The following XK variants were observed in gnomAD, a reference collection of about 807,000 sequenced individuals.
The protein encoded by XK is X-linked Kx blood group antigen, Kell and VPS13A binding protein, also known as endoplasmic reticulum membrane adapter protein XK.
A neutral mutation model predicts 14.0 loss-of-function variants in XK; 2 were observed. The observed-to-expected ratio is 0.14, with a 90% CI of 0.06 to 0.45. The LOEUF (loss-of-function observed/expected upper bound fraction) is 0.45, where lower values mean the gene tolerates loss of function less well. XK is among the 20% of genes least tolerant of loss of function. The pLI is 0.98. For synonymous variants in XK, 149 were observed against 147.5 expected (o/e 1.01, Z -0.08); for missense variants, 235 against 341.5 (o/e 0.69, Z 2.46).
At chrX:37,714,598 G>A (rs781952039) in intron 2 of XK, among the ~76,000 whole-genome samples, 1 of 111,158 alleles carries the variant, frequency 9.0e-6, no homozygotes, top group East Asian at 2.8e-4. Flanking sequence ...CCTTCCAGAA[G>A]CCACTTAAAA....
At chrX:37,714,814 G>C (rs1927733155) in intron 2 of XK, among the ~76,000 whole-genome samples, 1 of 111,041 alleles carries the variant, frequency 9.0e-6, no homozygotes, top group South Asian at 3.8e-4. Context: ...AGGGAGACTT[G>C]AGGGAATAGC....
intron 2 of XK, among the ~76,000 whole-genome samples, chrX:37,719,087 A>G (rs1426476729): frequency 1.8e-5 from 2 of 110,815 alleles, no homozygotes; most frequent in African/African-American, 6.5e-5. Flanking sequence ...CAGAAAATGT[A>G]TTTCTTTTCC....
At chrX:37,687,795 G>C (rs1655295192) in intron 1 of XK, among the ~76,000 whole-genome samples, 2 of 111,372 alleles carry the variant, frequency 1.8e-5, no homozygotes, top group Admixed American at 1.9e-4. Flanking sequence ...ATCCTAGAAA[G>C]GAAAATAAAC....
chrX:37,718,294 C>T (rs1927804680), intron 2 of XK, among the ~76,000 whole-genome samples: 1 of 111,493 alleles, frequency 9.0e-6, no homozygotes, highest in African/African-American at 3.3e-5. Flanking sequence ...ACTTCTCACA[C>T]TACAGATTAT....
chrX:37,727,922 G>C lies in XK; in HGVS notation c.795G>C (p.Glu265Asp), dbSNP rs782679554. ...GGTGCAGTGGTTCCCCATTCCCTGA[G>C]AACATAGAGAAGGCCCTCAGTAGAG... Reference protein sequence around the residue: ...LFWCSGSPFPENIEKALSRVG... With the variant: ...LFWCSGSPFPDNIEKALSRVG... Residue 265 changes from glutamate to aspartate, a missense_variant, in exon 3 of 3, where the codon GAG becomes GAC. Transcript: ENST00000378616. 8.3e-7 allele frequency: 1 copy of C among 1,211,139 alleles called. No individual in the cohort carries two copies. The highest frequency in any genetic ancestry group is 1.8e-5 in the South Asian group (1 of 56,929).
At chrX:37,698,074 G>A (rs982099729) in intron 2 of XK, among the ~76,000 whole-genome samples, 25 of 112,093 alleles carry the variant, frequency 2.2e-4, no homozygotes, top group Non-Finnish European at 2.8e-4. Context: ...GATGGGTTGG[G>A]TTGAAGCCTA....
intron 1 of XK, among the ~76,000 whole-genome samples, chrX:37,687,263 A>T (rs1243653092): frequency 9.4e-6 from 1 of 106,772 alleles, no homozygotes; most frequent in Non-Finnish European, 1.9e-5. Flanking sequence ...TAAATTTTAC[A>T]AAGTTATAAT....
intron 2 of XK, among the ~76,000 whole-genome samples, chrX:37,700,468 G>T (rs1927389941): frequency 1.8e-5 from 2 of 112,160 alleles, no homozygotes; most frequent in Admixed American, 1.9e-4. Context: ...TCTCATTTTG[G>T]GTTGGAGGTG....
chrX:37,726,951 G>T (rs1209149729), intron 2 of XK, among the ~76,000 whole-genome samples: 12 of 111,975 alleles, frequency 1.1e-4, no homozygotes, highest in Non-Finnish European at 1.5e-4. Context: ...ATCTACTGCT[G>T]GTATGTGCTG....
chrX:37,718,026 C>T (rs192433878), intron 2 of XK, among the ~76,000 whole-genome samples: 1 of 111,464 alleles, frequency 9.0e-6, no homozygotes, highest in African/African-American at 3.3e-5. Flanking sequence ...AAACATTTAT[C>T]GAGTGCCTAC....
At position 37,730,573 on chromosome X, in the gene XK, G is replaced by T. The variant is rs1928067178; in HGVS notation, c.*2111G>T. 1 of 112,304 alleles carries T rather than the reference G, an allele frequency of 8.9e-6. No homozygotes were observed. Among genetic ancestry groups the T allele is most frequent in the Non-Finnish European group, 1.9e-5 (1 of 53,233 alleles). The allele number at this position is 112,304 out of a possible 1,213,427, so 9.3% of individuals were successfully genotyped here. A position where few individuals can be genotyped will look rare whatever the true frequency, so the allele number is the denominator to read the frequency against. ...AGCTTTTTGTGAGAAAGAGATTCTTGCCTTGAGGCTCTGCAGTGGCAAATG... is the reference window on the plus strand; with the variant it reads ...AGCTTTTTGTGAGAAAGAGATTCTTTCCTTGAGGCTCTGCAGTGGCAAATG... On this transcript the variant is annotated 3_prime_UTR_variant, in exon 3 of 3. Transcript: ENST00000378616.
rs79724708 is a variant in XK, at chrX:37,694,765, T to C, written c.508+217T>C. Among the ~76,000 whole-genome samples, 197 of 112,224 alleles carry C rather than the reference T, an allele frequency of 1.8e-3. No homozygotes were observed. The East Asian group carries it at 0.024, about 14-fold the overall frequency. Reference sequence around the variant, plus strand: ...CTCAAAAGGGTTACCTAATCTGTGATCCACTGTGGATCAGCTAGGGTGGCT... The same window carrying C: ...CTCAAAAGGGTTACCTAATCTGTGACCCACTGTGGATCAGCTAGGGTGGCT... On this transcript the variant is annotated intron_variant, in intron 2 of 2. Transcript: ENST00000378616.
intron 1 of XK, among the ~76,000 whole-genome samples, chrX:37,686,817 G>A (rs1927086610): frequency 9.0e-6 from 1 of 111,253 alleles, no homozygotes; most frequent in African/African-American, 3.3e-5. Flanking sequence ...ACTTATAAAC[G>A]TAGCCATTAA....
intron 1 of XK, among the ~76,000 whole-genome samples, chrX:37,687,227 GCACA>G (rs1182156394): frequency 1.3e-5 from 1 of 76,286 alleles, no homozygotes; most frequent in Non-Finnish European, 2.4e-5. Context: ...ACACACACAC[GCACA>G]CACACACATT....
intron 2 of XK, among the ~76,000 whole-genome samples, chrX:37,702,431 A>T (rs1927434631): frequency 8.9e-6 from 1 of 112,557 alleles, no homozygotes; most frequent in South Asian, 3.7e-4. Context: ...CGCAGTCTAC[A>T]AAGTGGCATC....
chrX:37,718,914 A>G (rs189294244), intron 2 of XK, among the ~76,000 whole-genome samples: 162 of 111,471 alleles, frequency 1.5e-3, no homozygotes, highest in Admixed American at 3.7e-3. Flanking sequence ...CGCTCATTAC[A>G]AAACTGAGTT....
Position 37,685,951 on chromosome X carries a change from G to T in XK, c.-11G>T, listed in dbSNP as rs1927055024. 3.3e-6 allele frequency: 4 copies of T among 1,202,835 alleles called. No individual in the cohort carries two copies. In the South Asian group the frequency reaches 7.2e-5, roughly 22 times the overall value. ...GCGTCCGTCCCCGGTGAGCGCCGCT[G>T]ACGCGCGGAGATGAAATTCCCGGCC... On this transcript the variant is annotated 5_prime_UTR_variant, in exon 1 of 3. Coordinates refer to ENST00000378616, the MANE Select transcript of XK (RefSeq NM_021083.4).
intron 2 of XK, among the ~76,000 whole-genome samples, chrX:37,724,001 C>T (rs1927928135): frequency 1.8e-5 from 2 of 110,993 alleles, no homozygotes; most frequent in South Asian, 7.4e-4. Context: ...GGTGTTTCTA[C>T]CTTTTAAATT....
rs782233487 is a variant in XK, at chrX:37,730,371, AAT to A, written c.*1914_*1915del. On this transcript the variant is annotated 3_prime_UTR_variant, in exon 3 of 3. Coordinates refer to ENST00000378616, the MANE Select transcript of XK (RefSeq NM_021083.4). The stretch of plus-strand genomic sequence containing the variant: ...TCGTATTACATAAAACACCCTTGAA[AAT>A]ATATGACTTTGAATAAAATAAAGCT... 1.8e-5 allele frequency: 2 copies of A among 112,638 alleles called. No individual in the cohort carries two copies. Among genetic ancestry groups the A allele is most frequent in the East Asian group, 5.6e-4 (2 of 3,585 alleles). 9.3% of individuals were successfully genotyped at this position (112,638 alleles called of 1,213,427 possible).
Sources: gnomAD v4.1 joint callset for allele counts (sites outside exome capture counted in the v4.1 genomes callset) on GRCh38, gnomAD v4.1.1 for gene constraint, MANE v1.5 for transcripts, NCBI Gene and HGNC (gene_info 2026-07-23, HGNC 2026-07-21) for gene names.